Variants in ASIC2 observed in about 807,000 individuals in gnomAD.
The protein encoded by ASIC2 is acid sensing ion channel subunit 2, also known as acid-sensing ion channel 2.
In ASIC2, 25 loss-of-function variants were observed where a neutral mutation model predicts 57.3. That is an observed-to-expected ratio of 0.44 (90% CI 0.32 to 0.61). The LOEUF (loss-of-function observed/expected upper bound fraction) is 0.61, where lower values mean the gene tolerates loss of function less well. ASIC2 is among the 20% of genes least tolerant of loss of function. The probability of loss-of-function intolerance (pLI) is 0.06; values close to 1 mark genes in which losing one functional copy is unlikely to be tolerated. For synonymous variants in ASIC2, 319 were observed against 307.5 expected, an observed-to-expected ratio of 1.04 and a Z score of -0.39; for missense variants, 641 against 738.1, an observed-to-expected ratio of 0.87 and a Z score of 1.52.
At chr17:34,011,425 G>A (rs962863402) in intron 1 of ASIC2, among the ~76,000 whole-genome samples, 2 of 152,004 alleles carry the variant, frequency 1.3e-5, no homozygotes, top group East Asian at 3.9e-4. Flanking sequence ...CAGTTCACAG[G>A]CAACACTGGC....
intron 1 of ASIC2, among the ~76,000 whole-genome samples, chr17:33,420,017 T>C (rs1371366192): frequency 6.6e-6 from 1 of 152,324 alleles, no homozygotes; most frequent in South Asian, 2.1e-4. Flanking sequence ...GGAGTGGTGA[T>C]GAGGGAATAA....
intron 1 of ASIC2, among the ~76,000 whole-genome samples, chr17:33,494,239 G>C (rs1379053226): frequency 6.6e-6 from 1 of 152,212 alleles, no homozygotes; most frequent in Non-Finnish European, 1.5e-5. Flanking sequence ...GGATCAGTAG[G>C]AAGGTCTTGG....
intron 1 of ASIC2, among the ~76,000 whole-genome samples, chr17:33,902,397 A>G (rs1261764933): frequency 1.3e-5 from 2 of 152,282 alleles, no homozygotes; most frequent in Non-Finnish European, 2.9e-5. Context: ...AAAATAGAGT[A>G]CATTTAAAAG....
intron 1 of ASIC2, chr17:34,039,626 T>G: frequency 6.2e-7 from 1 of 1,613,504 alleles, no homozygotes. Context: ...TCACTAATTT[T>G]ATGTCCCCTA....
intron 1 of ASIC2, among the ~76,000 whole-genome samples, chr17:33,865,768 A>T (rs1475094067): frequency 3.7e-5 from 3 of 80,034 alleles, no homozygotes; most frequent in Admixed American, 1.2e-4. Context: ...ATAAAAAAAA[A>T]AAACAAAAAA....
intron 1 of ASIC2, among the ~76,000 whole-genome samples, chr17:33,880,987 T>C (rs939016702): frequency 2.6e-5 from 4 of 152,168 alleles, no homozygotes; most frequent in African/African-American, 9.7e-5. Context: ...ATCCAGCATA[T>C]AAACAGAACC....
intron 1 of ASIC2, among the ~76,000 whole-genome samples, chr17:33,918,971 G>A (rs558134607): frequency 3.4e-4 from 52 of 152,252 alleles, no homozygotes; most frequent in African/African-American, 1.2e-3. Context: ...GGTCGTGATG[G>A]GCAGTCTATC....
At chr17:33,155,564 C>CTTTTTTT (rs558082080) in intron 1 of ASIC2, among the ~76,000 whole-genome samples, 2 of 130,820 alleles carry the variant, frequency 1.5e-5, no homozygotes, top group Non-Finnish European at 3.2e-5. Context: ...TTCTTTCTTT[C>CTTTTTTT]TTTTTTTTTT....
At chr17:33,983,449 G>T (rs1222278415) in intron 1 of ASIC2, among the ~76,000 whole-genome samples, 1 of 152,192 alleles carries the variant, frequency 6.6e-6, no homozygotes, top group East Asian at 1.9e-4. Context: ...CCAGTGAACA[G>T]TTCTGGACCC....
At chr17:33,482,723 G>A (rs1407189522) in intron 1 of ASIC2, among the ~76,000 whole-genome samples, 2 of 152,088 alleles carry the variant, frequency 1.3e-5, no homozygotes, top group Non-Finnish European at 2.9e-5. Flanking sequence ...CCCCAGCTGT[G>A]CCCTTGTTCT....
At chr17:34,115,158 C>A (rs373054258) in intron 1 of ASIC2, among the ~76,000 whole-genome samples, 5 of 152,304 alleles carry the variant, frequency 3.3e-5, no homozygotes, top group African/African-American at 1.2e-4. Context: ...TGCTTAGTCA[C>A]CCCATTGCAC....
At chr17:33,084,664 T>C (rs1555569093) in intron 3 of ASIC2, among the ~76,000 whole-genome samples, 1 of 152,222 alleles carries the variant, frequency 6.6e-6, no homozygotes, top group Non-Finnish European at 1.5e-5. Context: ...CCCTACAGCA[T>C]AATGCCTGGC....
chr17:33,063,986 C>G (rs1283400648), intron 3 of ASIC2, among the ~76,000 whole-genome samples: 3 of 152,182 alleles, frequency 2.0e-5, no homozygotes, highest in African/African-American at 4.8e-5. Context: ...TCACGTAGTT[C>G]TCGTGCCATG....
chr17:33,190,368 A>G (rs566069074), intron 1 of ASIC2, among the ~76,000 whole-genome samples: 3 of 152,340 alleles, frequency 2.0e-5, no homozygotes, highest in Non-Finnish European at 4.4e-5. Flanking sequence ...AAACTACAAA[A>G]CATTGCTGAG....
At chr17:33,019,989 G>C (rs1210813487) in intron 7 of ASIC2, among the ~76,000 whole-genome samples, 3 of 152,158 alleles carry the variant, frequency 2.0e-5, no homozygotes, top group Admixed American at 2.0e-4. Context: ...GCATAGGGGT[G>C]AGTGAGGGGT....
intron 1 of ASIC2, among the ~76,000 whole-genome samples, chr17:33,269,399 G>A (rs1904354598): frequency 6.6e-6 from 1 of 152,116 alleles, no homozygotes; most frequent in Admixed American, 6.5e-5. Flanking sequence ...CCATCGGGGG[G>A]AAACACAGAA....
At chr17:33,810,165 G>A (rs1471139402) in intron 1 of ASIC2, among the ~76,000 whole-genome samples, 1 of 152,206 alleles carries the variant, frequency 6.6e-6, no homozygotes, top group Non-Finnish European at 1.5e-5. Flanking sequence ...TTAGTAGGAG[G>A]CAGTTTATGG....
chr17:33,414,543 C>T (rs1910772744), intron 1 of ASIC2, among the ~76,000 whole-genome samples: 1 of 152,282 alleles, frequency 6.6e-6, no homozygotes, highest in Non-Finnish European at 1.5e-5. Context: ...ACCTGGACCT[C>T]TCTGGAGGGG....
intron 1 of ASIC2, among the ~76,000 whole-genome samples, chr17:33,214,941 T>A (rs1376783258): frequency 6.6e-6 from 1 of 151,876 alleles, no homozygotes; most frequent in African/African-American, 2.4e-5. Flanking sequence ...ACACCCAGAG[T>A]CACACAGCTG....
Sources: allele counts gnomAD v4.1 joint callset (sites outside exome capture counted in the v4.1 genomes callset), GRCh38; gene constraint gnomAD v4.1.1; transcripts MANE v1.5; gene names NCBI Gene and HGNC (gene_info 2026-07-23, HGNC 2026-07-21).